GRIP1: variants seen among roughly 807,000 people sequenced by gnomAD.
GRIP1 encodes glutamate receptor interacting protein 1, also known as glutamate receptor-interacting protein 1.
A neutral mutation model predicts 129.9 loss-of-function variants in GRIP1; 45 were observed. The ratio of observed to expected loss-of-function variants is 0.35; its 90% confidence interval spans 0.27 to 0.44. The LOEUF (loss-of-function observed/expected upper bound fraction) is 0.44, where lower values mean the gene tolerates loss of function less well. Ranked by LOEUF, GRIP1 falls within the 20% of genes least tolerant of loss-of-function variation. GRIP1 has a pLI of 1.00. For synonymous variants in GRIP1, 530 were observed against 520.8 expected, an observed-to-expected ratio of 1.02 and a Z score of -0.24; for missense variants, 1,196 against 1,396.8, an observed-to-expected ratio of 0.86 and a Z score of 2.29.
intron 1 of GRIP1, among the ~76,000 whole-genome samples, chr12:66,647,121 C>T (rs542851189): frequency 2.8e-4 from 43 of 152,256 alleles, no homozygotes; most frequent in African/African-American, 9.1e-4. Flanking sequence ...GCTAGACTCC[C>T]GCCTTATGAG....
chr12:66,627,974 T>A (rs1167390852), intron 1 of GRIP1, among the ~76,000 whole-genome samples: 4 of 151,752 alleles, frequency 2.6e-5, no homozygotes, highest in African/African-American at 9.7e-5. Context: ...GAAAGAGATT[T>A]GTTTGTGAAT....
In GRIP1 at chr12:66,464,933, ACTTTCTTT is replaced by A. The variant is rs1555189213; in HGVS notation, c.872+334_872+341del. On this transcript the variant is annotated intron_variant, in intron 8 of 24. Transcript: ENST00000359742. ...CACACATGCAATTTTGTAAAGGGGC[ACTTTCTTT>A]CTTTCTTTCTTTCTTTTTTTTTTTT... 4.5e-3 allele frequency among the ~76,000 whole-genome samples: 581 copies of A among 128,038 alleles called. 11 individuals carry two copies. The highest frequency in any genetic ancestry group is 0.018 in the African/African-American group (539 of 29,142). The allele number at this position is 128,038 out of a possible 152,430, so 84.0% of individuals were successfully genotyped here.
intron 1 of GRIP1, among the ~76,000 whole-genome samples, chr12:66,907,061 C>T (rs1489035791): frequency 6.6e-6 from 1 of 152,200 alleles, no homozygotes; most frequent in African/African-American, 2.4e-5. Context: ...ACTCCAGGAT[C>T]CCACATTGCA....
At chr12:66,497,678 A>G (rs985510049) in intron 7 of GRIP1, among the ~76,000 whole-genome samples, 2 of 152,054 alleles carry the variant, frequency 1.3e-5, no homozygotes, top group African/African-American at 4.8e-5. Flanking sequence ...TCCTTGGGAG[A>G]GAGATGGCAG....
At chr12:67,069,088 T>G (rs1277924548) in exon 1 of GRIP1, 4 of 983,848 alleles carry the variant, frequency 4.1e-6, no homozygotes, top group Non-Finnish European at 4.8e-6. Flanking sequence ...GATAGGGATA[T>G]TCTTCTTCCA....
chr12:66,771,079 C>T (rs755918578), intron 1 of GRIP1, among the ~76,000 whole-genome samples: 8 of 151,782 alleles, frequency 5.3e-5, no homozygotes, highest in African/African-American at 1.9e-4. Context: ...GGCAACAGGG[C>T]GAGACTCTGT....
chr12:66,445,837 T>TGG (rs760462139), intron 11 of GRIP1, among the ~76,000 whole-genome samples: 4 of 152,104 alleles, frequency 2.6e-5, no homozygotes, highest in Non-Finnish European at 4.4e-5. Context: ...TGGGGAACCT[T>TGG]GGGGTAGGCC....
chr12:66,875,427 G>T (rs920024689), intron 1 of GRIP1, among the ~76,000 whole-genome samples: 2 of 152,042 alleles, frequency 1.3e-5, no homozygotes, highest in East Asian at 1.9e-4. Flanking sequence ...CCTGGATGAG[G>T]TTACATAGCT....
chr12:66,715,471 T>TGTGTGTGTGTGTGAGAGAGAGAGA (rs761155485), intron 1 of GRIP1, among the ~76,000 whole-genome samples: 15 of 110,056 alleles, frequency 1.4e-4, no homozygotes, highest in Non-Finnish European at 2.3e-4. Context: ...TGTGTGTGTG[T>TGTGTGTGTGTGTGAGAGAGAGAGA]GAGAGAGAGA....
chr12:66,571,693 A>G (rs750058654), intron 2 of GRIP1, among the ~76,000 whole-genome samples: 13 of 152,220 alleles, frequency 8.5e-5, no homozygotes, highest in Non-Finnish European at 1.6e-4. Context: ...GTGAAAAAGG[A>G]CATATCTGTC....
chr12:66,402,537 T>C (rs2057039635), intron 16 of GRIP1, among the ~76,000 whole-genome samples: 2 of 152,154 alleles, frequency 1.3e-5, no homozygotes, highest in Admixed American at 6.5e-5. Context: ...TAAACCCCAA[T>C]TGCAGTACAA....
At chr12:66,944,365 G>A (rs1592375317) in intron 1 of GRIP1, among the ~76,000 whole-genome samples, 1 of 152,156 alleles carries the variant, frequency 6.6e-6, no homozygotes, top group Admixed American at 6.5e-5. Flanking sequence ...TATCTTTTCA[G>A]TGTAAAAGGC....
Position 66,977,807 on chromosome 12 carries a change from A to ATTTTT in GRIP1, c.58+91238_58+91242dup, listed in dbSNP as rs200381983. Reference sequence around the variant, plus strand: ...ACTATAGTCAGTTCTAGAGCTGAGCATTTTTTTTTTTTTTTTTTTTTTTTT... The same window carrying ATTTTT: ...ACTATAGTCAGTTCTAGAGCTGAGCATTTTTTTTTTTTTTTTTTTTTTTTTTTTTT... On this transcript the variant is annotated intron_variant, in intron 1 of 1. Transcript: ENST00000643019. Among the ~76,000 whole-genome samples the ATTTTT allele has an allele frequency of 1.7e-4, 10 of 60,274 alleles. 1 individual carries two copies. Among genetic ancestry groups the ATTTTT allele is most frequent in the African/African-American group, 5.6e-4 (8 of 14,320 alleles). The allele number at this position is 60,274 out of a possible 152,430, so 39.5% of individuals were successfully genotyped here. A position where few individuals can be genotyped will look rare whatever the true frequency, so the allele number is the denominator to read the frequency against.
At chr12:66,681,972 T>C (rs182480652), upstream of GRIP1, among the ~76,000 whole-genome samples, 4 of 152,298 alleles carry the variant, frequency 2.6e-5, no homozygotes, top group East Asian at 1.9e-4. Context: ...GACTCTGTTA[T>C]AGGTTTTTGA....
chr12:66,598,480 C>G (rs2064143852), intron 1 of GRIP1, among the ~76,000 whole-genome samples: 1 of 152,206 alleles, frequency 6.6e-6, no homozygotes, highest in South Asian at 2.1e-4. Context: ...TTCGACTCTT[C>G]TCTTTGCAAA....
chr12:66,575,894 T>C (rs79044380), intron 2 of GRIP1, among the ~76,000 whole-genome samples: 2,597 of 152,286 alleles, frequency 0.017, 70 homozygotes, highest in African/African-American at 0.059. Context: ...ATGCCAAAGG[T>C]AGGCAAAATC....
chr12:66,903,151 A>T (rs2040870318), intron 1 of GRIP1, among the ~76,000 whole-genome samples: 1 of 152,192 alleles, frequency 6.6e-6, no homozygotes. Flanking sequence ...TTGACTTATT[A>T]CTATGCTATG....
Position 66,845,349 on chromosome 12 carries a change from C to T in GRIP1, c.58+223701G>A, listed in dbSNP as rs553209698. 2.3e-3 allele frequency among the ~76,000 whole-genome samples: 346 copies of T among 152,084 alleles called. 3 individuals carry two copies. The highest frequency in any genetic ancestry group is 7.7e-3 in the African/African-American group (321 of 41,502). ...GCACATGCCTGTAGTCCCAACTACT[C>T]GGGAGGCTAAGGCAGGAGAATCACT... On this transcript the variant is annotated intron_variant, in intron 1 of 1. Coordinates refer to the GRIP1 transcript ENST00000643019.
chr12:66,988,148 A>C (rs2042341106), intron 1 of GRIP1, among the ~76,000 whole-genome samples: 1 of 152,232 alleles, frequency 6.6e-6, no homozygotes, highest in African/African-American at 2.4e-5. Flanking sequence ...AAAGGACTCC[A>C]AACAATAATC....
Sources: gnomAD v4.1 joint callset for allele counts (sites outside exome capture counted in the v4.1 genomes callset) on GRCh38, gnomAD v4.1.1 for gene constraint, MANE v1.5 for transcripts, NCBI Gene and HGNC (gene_info 2026-07-23, HGNC 2026-07-21) for gene names.